Variants in ADI1 observed in about 807,000 individuals in gnomAD.
The protein encoded by ADI1 is acireductone dioxygenase.
ADI1 carries 21 observed loss-of-function variants against 18.7 expected under a neutral mutation model. The ratio of observed to expected loss-of-function variants is 1.13; its 90% CI spans 0.80 to 1.62. ADI1 has a LOEUF of 1.62. ADI1 is among the 40% of genes most tolerant of loss of function. The pLI is 0.00. For missense variants in ADI1, 245 were observed against 254.9 expected, an observed-to-expected ratio of 0.96 and a Z score of 0.26; for synonymous variants, 90 against 100.1, an observed-to-expected ratio of 0.90 and a Z score of 0.60.
intron 1 of ADI1, chr2:3,517,699 G>A (rs1667440274): frequency 1.3e-5 from 2 of 152,090 alleles, no homozygotes; most frequent in South Asian, 2.1e-4. Context: ...TCGGGAAGAT[G>A]AGGTTGCGGT....
rs1242518926 is a variant in ADI1 at position 3,497,940 on chromosome 2, T to C, written c.*1023A>G. 6.6e-6 allele frequency: 1 copy of C among 152,216 alleles called. No individual in the cohort carries two copies. The allele number at this position is 152,216 out of a possible 1,614,324, so 9.4% of individuals were successfully genotyped here. A position where few individuals can be genotyped will look rare whatever the true frequency, so the allele number is the denominator to read the frequency against. ...AAAATCAGTAGATCAGCACTTATTT[T>C]AATTACTGAGATAGAGTCACACTTG... On this transcript the variant is annotated 3_prime_UTR_variant, in exon 4 of 4. Coordinates refer to ENST00000327435, the MANE Select transcript of ADI1 (RefSeq NM_018269.4).
intron 2 of ADI1, among the ~76,000 whole-genome samples, chr2:3,512,196 C>T (rs1417751176): frequency 1.3e-5 from 2 of 152,220 alleles, no homozygotes; most frequent in Non-Finnish European, 2.9e-5. Flanking sequence ...GCAACGACTT[C>T]CTAGAGAAAT....
chr2:3,508,496 TA>T (rs1667226645), intron 2 of ADI1, among the ~76,000 whole-genome samples: 2 of 152,020 alleles, frequency 1.3e-5, no homozygotes, highest in South Asian at 4.2e-4. Flanking sequence ...CGAAATGGAT[TA>T]AAAAAACTAA....
At chr2:3,505,724 T>C (rs992992131) in intron 2 of ADI1, among the ~76,000 whole-genome samples, 4 of 152,036 alleles carry the variant, frequency 2.6e-5, no homozygotes, top group African/African-American at 9.6e-5. Context: ...AATACTATGA[T>C]CCCCCTCCCC....
intron 2 of ADI1, among the ~76,000 whole-genome samples, chr2:3,502,847 G>T (rs745348055): frequency 1.3e-5 from 2 of 152,154 alleles, no homozygotes; most frequent in Non-Finnish European, 2.9e-5. Flanking sequence ...CAGTAGGCCT[G>T]CTGCTTGTCA....
At position 3,498,953 on chromosome 2, in the gene ADI1, G is replaced by C; in HGVS notation, c.*10C>G. ...TTTACGAGGCACGTGTTAGTTCCCA[G>C]GCAGCACTGCTAGGCGGTCTGTGCC... On this transcript the variant is annotated 3_prime_UTR_variant, in exon 4 of 4. Coordinates refer to ENST00000327435, the MANE Select transcript of ADI1 (RefSeq NM_018269.4). The C allele has an allele frequency of 1.2e-6, 2 of 1,603,654 alleles. No homozygotes were observed. The highest frequency in any genetic ancestry group is 8.5e-7 in the Non-Finnish European group (1 of 1,171,880).
At chr2:3,513,140 T>G (rs1404103644) in intron 2 of ADI1, among the ~76,000 whole-genome samples, 5 of 152,222 alleles carry the variant, frequency 3.3e-5, no homozygotes, top group African/African-American at 1.2e-4. Context: ...CTTTACCCGC[T>G]TTGTATCTTG....
Position 3,498,766 on chromosome 2 carries a change from G to T in ADI1, c.*197C>A. 1 of 790,214 alleles carries T rather than the reference G, an allele frequency of 1.3e-6. No individual in the cohort carries two copies. The highest frequency in any genetic ancestry group is 1.9e-6 in the Non-Finnish European group (1 of 532,226). 49.0% of individuals were successfully genotyped at this position (790,214 alleles called of 1,614,324 possible). On this transcript the variant is annotated 3_prime_UTR_variant, in exon 4 of 4. Coordinates refer to ENST00000327435, the MANE Select transcript of ADI1 (RefSeq NM_018269.4). ...CAGTCTTGATTGAGTTACAGAAAAT[G>T]AAGGTGACTCTTTACACTTCCAAGT...
At chr2:3,502,030 CACACACACACACAG>C (rs1667032981) in intron 2 of ADI1, among the ~76,000 whole-genome samples, 2 of 127,584 alleles carry the variant, frequency 1.6e-5, no homozygotes, top group South Asian at 4.8e-4. Context: ...CACACACACA[CACACACACACACAG>C]AGACAGGGTT....
In ADI1 at chr2:3,513,909, CAGG is replaced by C. The variant is rs780025534; in HGVS notation, c.185_187del (p.Ser62del). The C allele has an allele frequency of 6.8e-6, 11 of 1,612,014 alleles. No individual in the cohort carries two copies. Among genetic ancestry groups the C allele is most frequent in the African/African-American group, 2.7e-5 (2 of 74,800 alleles). ...TTTGCATATGGTTATGATGTCCATC[CAGG>C]AGTAGTTCCTCTCTCTTCGGATCTT... On this transcript the variant is annotated inframe_deletion, in exon 2 of 4. Coordinates refer to ENST00000327435, the MANE Select transcript of ADI1 (RefSeq NM_018269.4).
chr2:3,508,225 C>T (rs1477792892), intron 2 of ADI1, among the ~76,000 whole-genome samples: 2 of 149,442 alleles, frequency 1.3e-5, no homozygotes, highest in Non-Finnish European at 3.0e-5. Context: ...GTCCCAGCTA[C>T]TCAGGAGGTT....
intron 3 of ADI1, 136 bp from the exon 4 acceptor site, chr2:3,499,218 A>T (rs1666938491): frequency 7.2e-7 from 1 of 1,384,090 alleles, no homozygotes; most frequent in African/African-American, 1.5e-5. Flanking sequence ...GTCTTTAACA[A>T]TTTAGGCCAC....
chr2:3,515,269 T>TG (rs1274799342), intron 1 of ADI1: 1 of 156,628 alleles, frequency 6.4e-6, no homozygotes, highest in East Asian at 1.9e-4. Context: ...ATTAATACTC[T>TG]GGGGAAGGAA....
intron 1 of ADI1, 129 bp from the exon 2 acceptor site, chr2:3,514,105 T>G: frequency 8.8e-7 from 1 of 1,141,480 alleles, no homozygotes; most frequent in Non-Finnish European, 1.2e-6. Context: ...AACCCTCAAC[T>G]AACTCTCTTC....
intron 2 of ADI1, among the ~76,000 whole-genome samples, chr2:3,503,843 T>C (rs1437950935): frequency 1.3e-5 from 2 of 152,040 alleles, no homozygotes; most frequent in African/African-American, 4.8e-5. Context: ...CCAGCAAGAA[T>C]AGACCCTAGA....
rs1558424419 is a variant in ADI1 at position 3,501,013 on chromosome 2, C to A, written c.241-20G>T. On this transcript the variant is annotated intron_variant, in intron 2 of 3. Transcript: ENST00000327435. ...CTTAATCTAGTGCAGAAGGAACATT[C>A]CTGTGAGTCTACCAGAGACCTGTCA... The A allele has an allele frequency of 1.3e-6, 2 of 1,566,446 alleles. No homozygotes were observed. Among genetic ancestry groups the A allele is most frequent in the African/African-American group, 1.4e-5 (1 of 73,988 alleles).
rs1558423240 is a variant in ADI1 at position 3,498,995 on chromosome 2, G to C, written c.508C>G (p.Gln170Glu). ...GTCTGTGCCAGAAATTTCACGTACT[G>C]CCCGCGGGCTTCAAAATGGTCAGCG... ...RPADHFEARG[Q>E]YVKFLAQTA Residue 170 changes from glutamine to glutamate, a missense_variant, in exon 4 of 4, where the codon CAG becomes GAG. Physicochemically the swap from Gln to Glu is conservative, Grantham distance 29. Transcript: ENST00000327435. 1 of 1,613,906 alleles carries C rather than the reference G, an allele frequency of 6.2e-7. No homozygotes were observed. Among genetic ancestry groups the C allele is most frequent in the Non-Finnish European group, 8.5e-7 (1 of 1,179,810 alleles).
rs1303469086 is a variant in ADI1, at chr2:3,513,918, T to C, written c.179A>G (p.Asn60Ser). Residue 60 changes from asparagine (N) to serine (S), a missense_variant, in exon 2 of 4, where the codon AAC (asparagine) becomes AGC (serine). Physicochemically the swap from Asn to Ser is conservative, Grantham distance 46 (BLOSUM62 1). Coordinates refer to ENST00000327435, the MANE Select transcript of ADI1 (RefSeq NM_018269.4). ...GGTTATGATGTCCATCCAGGAGTAG[T>C]TCCTCTCTCTTCGGATCTTTTCTAA... ...PELEKIRRERNYSWMDIITIC... is the reference protein window; with the variant it reads ...PELEKIRRERSYSWMDIITIC... 1 of 1,612,606 alleles carries C rather than the reference T, an allele frequency of 6.2e-7. No homozygotes were observed. The highest frequency in any genetic ancestry group is 8.5e-7 in the Non-Finnish European group (1 of 1,179,710).
intron 2 of ADI1, among the ~76,000 whole-genome samples, chr2:3,503,179 T>A (rs1410586747): frequency 6.7e-6 from 1 of 149,498 alleles, no homozygotes; most frequent in Non-Finnish European, 1.5e-5. Flanking sequence ...ACATTCACAC[T>A]CACATGCACA....
Sources: gnomAD v4.1 joint callset for allele counts (sites outside exome capture counted in the v4.1 genomes callset) on GRCh38, gnomAD v4.1.1 for gene constraint, MANE v1.5 for transcripts, NCBI Gene and HGNC (gene_info 2026-07-23, HGNC 2026-07-21) for gene names.